SEM1: variants seen among roughly 807,000 people sequenced by gnomAD.
SEM1 encodes the protein 26S proteasome complex subunit SEM1.
Under a neutral mutation model 12.7 loss-of-function variants are expected in SEM1, and 3 were observed. That is an observed-to-expected ratio of 0.24 (90% CI 0.11 to 0.61). SEM1 has a LOEUF of 0.61. Ranked by LOEUF, SEM1 falls within the 20% of genes least tolerant of loss-of-function variation. SEM1 has a pLI of 0.88. For synonymous variants in SEM1, 30 were observed against 27.8 expected, an observed-to-expected ratio of 1.08 and a Z score of -0.25; for missense variants, 59 against 81.3, an observed-to-expected ratio of 0.73 and a Z score of 1.06.
intron 2 of SEM1, among the ~76,000 whole-genome samples, chr7:96,623,276 G>T (rs1045215327): frequency 6.6e-6 from 1 of 151,932 alleles, no homozygotes; most frequent in Non-Finnish European, 1.5e-5. Flanking sequence ...TACTTCTCAG[G>T]CTTTCTGATT....
At chr7:96,634,911 G>A (rs1808383079) in intron 2 of SEM1, among the ~76,000 whole-genome samples, 1 of 152,020 alleles carries the variant, frequency 6.6e-6, no homozygotes, top group African/African-American at 2.4e-5. Context: ...AATAATGGAA[G>A]GTTTTAAAGC....
At chr7:96,691,714 C>T (rs1475054723) in intron 2 of SEM1, among the ~76,000 whole-genome samples, 2 of 152,210 alleles carry the variant, frequency 1.3e-5, no homozygotes, top group African/African-American at 4.8e-5. Flanking sequence ...TTGTGCGAGG[C>T]TGTTTTATTC....
chr7:96,523,650 T>C (rs878882135), intron 2 of SEM1, among the ~76,000 whole-genome samples: 1 of 152,132 alleles, frequency 6.6e-6, no homozygotes, highest in Admixed American at 6.6e-5. Context: ...AACTCCTGGA[T>C]ACTCTTCCAC....
intron 2 of SEM1, among the ~76,000 whole-genome samples, chr7:96,543,953 A>G (rs570331806): frequency 3.4e-4 from 51 of 152,138 alleles, no homozygotes; most frequent in African/African-American, 1.2e-3. Flanking sequence ...CTCTATGATC[A>G]CCATCTTGAA....
At position 96,556,265 on chromosome 7, in the gene SEM1, G is replaced by C. The variant is rs1485431575; in HGVS notation, c.171-49567C>G. Among the ~76,000 whole-genome samples the C allele has an allele frequency of 2.0e-5, 3 of 151,426 alleles. No homozygotes were observed. The East Asian group carries it at 6.0e-4, about 30-fold the overall frequency. ...TAGCTGGTTATTTTGCTCGTTAGTT[G>C]ATGCAGTTTCTTCCTAGTCTCAATG... On this transcript the variant is annotated intron_variant and NMD_transcript_variant, in intron 2 of 3. Coordinates refer to the SEM1 transcript ENST00000466986.
intron 2 of SEM1, among the ~76,000 whole-genome samples, chr7:96,624,534 GATAATA>G (rs534142309): frequency 1.0e-3 from 159 of 152,168 alleles, no homozygotes; most frequent in African/African-American, 3.7e-3. Context: ...ACAAAATGGG[GATAATA>G]ATAATAATAC....
At chr7:96,531,195 A>T (rs1027646406) in intron 2 of SEM1, among the ~76,000 whole-genome samples, 2 of 152,092 alleles carry the variant, frequency 1.3e-5, no homozygotes, top group African/African-American at 4.8e-5. Context: ...TGGATTGCAC[A>T]TATGAAAATT....
rs1802685624 is a variant in SEM1, at chr7:96,484,758, C to T, written c.257+67G>A. ...CAATTTCACTGGCATCACTGGGTGC[C>T]TTAAAAATCCTCTCACCATACAGAA... is the stretch of plus-strand genomic sequence containing the variant. On this transcript the variant is annotated intron_variant, in intron 3 of 3. Transcript: ENST00000356686. 16 of 1,033,262 alleles carry T rather than the reference C, an allele frequency of 1.5e-5. No individual in the cohort carries two copies. The South Asian group carries it at 2.2e-4, about 14-fold the overall frequency. The allele number at this position is 1,033,262 out of a possible 1,614,324, so 64.0% of individuals were successfully genotyped here. A position where few individuals can be genotyped will look rare whatever the true frequency, so the allele number is the denominator to read the frequency against.
chr7:96,586,966 G>A (rs1408355865), intron 2 of SEM1, among the ~76,000 whole-genome samples: 1 of 151,944 alleles, frequency 6.6e-6, no homozygotes, highest in Non-Finnish European at 1.5e-5. Context: ...ATGTCTTCAG[G>A]TACCACTGAG....
At chr7:96,551,705 C>CAAAAAAAAAAAAAAAAAA (rs56316029) in intron 2 of SEM1, among the ~76,000 whole-genome samples, 1 of 84,078 alleles carries the variant, frequency 1.2e-5, no homozygotes, top group Admixed American at 1.3e-4. Flanking sequence ...GACTCTGTCT[C>CAAAAAAAAAAAAAAAAAA]AAAAAAAAAA....
At chr7:96,554,756 G>A (rs1584759254) in intron 2 of SEM1, among the ~76,000 whole-genome samples, 1 of 150,914 alleles carries the variant, frequency 6.6e-6, no homozygotes, top group East Asian at 2.0e-4. Flanking sequence ...GATTGGAATA[G>A]TTTCAGAAGG....
chr7:96,678,790 C>A (rs1789519597), intron 2 of SEM1, among the ~76,000 whole-genome samples: 1 of 151,964 alleles, frequency 6.6e-6, no homozygotes, highest in African/African-American at 2.4e-5. Flanking sequence ...AAGAAAAAAG[C>A]TTTACATGGA....
chr7:96,673,844 CAGG>C, exon 3 of SEM1: 1 of 765,148 alleles, frequency 1.3e-6, no homozygotes, highest in South Asian at 1.3e-5. Context: ...CCAATATCAT[CAGG>C]AGTACAGTTG....
At chr7:96,674,102 TTC>T (rs2115601828) in intron 2 of SEM1, among the ~76,000 whole-genome samples, 1 of 152,314 alleles carries the variant, frequency 6.6e-6, no homozygotes, top group East Asian at 1.9e-4. Flanking sequence ...ACTCTTGCTA[TTC>T]TCTATTACAG....
chr7:96,647,877 C>T (rs1808851196), intron 2 of SEM1, among the ~76,000 whole-genome samples: 1 of 152,204 alleles, frequency 6.6e-6, no homozygotes, highest in African/African-American at 2.4e-5. Flanking sequence ...CTTTGTAAAA[C>T]ACGCTAAATG....
intron 2 of SEM1, among the ~76,000 whole-genome samples, chr7:96,569,105 A>AC (rs1192308703): frequency 6.6e-6 from 1 of 151,812 alleles, no homozygotes; most frequent in African/African-American, 2.4e-5. Flanking sequence ...TTAAGATGCG[A>AC]CCCCGTTGTT....
At chr7:96,537,390 T>C (rs1246492290) in intron 2 of SEM1, among the ~76,000 whole-genome samples, 1 of 151,772 alleles carries the variant, frequency 6.6e-6, no homozygotes, top group Non-Finnish European at 1.5e-5. Flanking sequence ...AGAGTCAACT[T>C]TCTAACTTCT....
chr7:96,668,853 T>C (rs1343459525), downstream of SEM1, among the ~76,000 whole-genome samples: 4 of 152,042 alleles, frequency 2.6e-5, no homozygotes, highest in East Asian at 7.7e-4. Flanking sequence ...CCTACTGGAG[T>C]AGACGGGTCC....
intron 2 of SEM1, among the ~76,000 whole-genome samples, chr7:96,585,901 G>T (rs1806616601): frequency 6.6e-6 from 1 of 152,226 alleles, no homozygotes; most frequent in Non-Finnish European, 1.5e-5. Flanking sequence ...CTGTACCTCA[G>T]ATGGAAATGC....
Sources: allele counts gnomAD v4.1 joint callset (sites outside exome capture counted in the v4.1 genomes callset), GRCh38; gene constraint gnomAD v4.1.1; transcripts MANE v1.5; gene names NCBI Gene and HGNC (gene_info 2026-07-23, HGNC 2026-07-21).